The following EIF4G3 variants were observed in gnomAD, a reference collection of about 807,000 sequenced individuals.
EIF4G3 encodes eIF-4-gamma 3.
In EIF4G3, 34 loss-of-function variants were observed where a neutral mutation model predicts 186.4. That is an observed-to-expected ratio of 0.18 (90% CI 0.14 to 0.24). The LOEUF (loss-of-function observed/expected upper bound fraction) is 0.24, where lower values mean the gene tolerates loss of function less well. Ranked by LOEUF, EIF4G3 falls within the 10% of genes least tolerant of loss-of-function variation. EIF4G3 has a pLI of 1.00. For synonymous variants in EIF4G3, 673 were observed against 679.5 expected (o/e 0.99, Z 0.15); for missense variants, 1,536 against 1,948.5 (o/e 0.79, Z 3.99).
intron 2 of EIF4G3, among the ~76,000 whole-genome samples, chr1:21,103,304 G>A (rs2096559510): frequency 6.6e-6 from 1 of 151,968 alleles, no homozygotes; most frequent in Non-Finnish European, 1.5e-5. Context: ...TACACCAAAT[G>A]TTCACTATTT....
chr1:21,008,585 G>A (rs11584541), intron 4 of EIF4G3, among the ~76,000 whole-genome samples: 5,457 of 152,004 alleles, frequency 0.036, 337 homozygotes, highest in African/African-American at 0.12. Flanking sequence ...GTGATCCACC[G>A]GGCTCAGCCT....
intron 20 of EIF4G3, among the ~76,000 whole-genome samples, chr1:20,871,467 C>T (rs1411291675): frequency 6.6e-6 from 1 of 152,166 alleles, no homozygotes; most frequent in Non-Finnish European, 1.5e-5. Flanking sequence ...GAGGGAATGT[C>T]CCTGGTTGAG....
intron 20 of EIF4G3, among the ~76,000 whole-genome samples, chr1:20,878,429 T>C (rs2081442521): frequency 6.6e-6 from 1 of 152,212 alleles, no homozygotes; most frequent in South Asian, 2.1e-4. Flanking sequence ...CATCACAAAA[T>C]ACCTTTTAAG....
At chr1:20,982,189 G>C (rs2078438042) in intron 8 of EIF4G3, among the ~76,000 whole-genome samples, 199 bp downstream of exon 8, 1 of 152,186 alleles carries the variant, frequency 6.6e-6, no homozygotes, top group Admixed American at 6.5e-5. Context: ...GAATGGTCTG[G>C]AATCAGCAGA....
chr1:20,897,816 G>C (rs1331078076), intron 16 of EIF4G3, among the ~76,000 whole-genome samples: 1 of 151,912 alleles, frequency 6.6e-6, no homozygotes, highest in East Asian at 1.9e-4. Flanking sequence ...AAGGGCAAAA[G>C]GTAGTTGGTC....
chr1:20,907,541 C>A (rs967370650), intron 14 of EIF4G3, among the ~76,000 whole-genome samples: 6 of 149,870 alleles, frequency 4.0e-5, no homozygotes, highest in African/African-American at 1.5e-4. Context: ...TCCCTCCCCC[C>A]TCCCCCAACC....
chr1:20,962,919 GTTT>G (rs200757094), intron 12 of EIF4G3, among the ~76,000 whole-genome samples: 1 of 123,810 alleles, frequency 8.1e-6, no homozygotes. Context: ...TTTTTTTTTT[GTTT>G]TTTTTTTTTT....
In EIF4G3 at chr1:20,851,448, G is replaced by C; in HGVS notation, c.3582C>G (p.Asp1194Glu). Residue 1194 changes from aspartate to glutamate, a missense_variant, in exon 28 of 37, where the codon GAC becomes GAG. Physicochemically the swap from Asp to Glu is conservative, Grantham distance 45. This residue lies in a region of EIF4G3 where 395 missense variants were observed against 498.9 expected (regional missense o/e 0.79). Coordinates refer to ENST00000602326, the MANE Select transcript of EIF4G3 (RefSeq NM_001391906.1). ...GAGCTGTTGCAGATGGAAGGGGCTT[G>C]TCATTCTTCTCCCTGCCCATACTTC... ...SRGSMGREKN[D>E]KPLPSATARP... 6.2e-7 allele frequency: 1 copy of C among 1,614,094 alleles called. No individual in the cohort carries two copies. Among genetic ancestry groups the C allele is most frequent in the Non-Finnish European group, 8.5e-7 (1 of 1,180,026 alleles).
rs1336180676 is a variant in EIF4G3 at position 21,176,820 on chromosome 1, C to G, written c.-554G>C. On this transcript the variant is annotated 5_prime_UTR_variant, in exon 1 of 37. Transcript: ENST00000602326. ...CTCGGTAGCGGGGCTCAGGCGATGC[C>G]GGTGGATTTTCTTCACTCAACGAGC... 1.1e-5 allele frequency: 8 copies of G among 701,698 alleles called. No homozygotes were observed. In the Admixed American group the frequency reaches 1.4e-4, roughly 12 times the overall value. 43.5% of individuals were successfully genotyped at this position (701,698 alleles called of 1,614,324 possible). A position where few individuals can be genotyped will look rare whatever the true frequency, so the allele number is the denominator to read the frequency against.
intron 3 of EIF4G3, among the ~76,000 whole-genome samples, chr1:21,053,437 C>CG (rs2094382443): frequency 6.6e-6 from 1 of 150,596 alleles, no homozygotes; most frequent in Non-Finnish European, 1.5e-5. Context: ...GCCCACCCCC[C>CG]GGCCAGCCGC....
intron 7 of EIF4G3, among the ~76,000 whole-genome samples, chr1:20,986,366 C>T (rs2079459407): frequency 6.6e-6 from 1 of 152,144 alleles, no homozygotes; most frequent in South Asian, 2.1e-4. Context: ...TTATACATAA[C>T]CTGGCTAAAT....
In EIF4G3 at chr1:20,810,919, AG is replaced by A. The variant is rs1269494395; in HGVS notation, c.4598-36del. On this transcript the variant is annotated intron_variant, in intron 35 of 36. Transcript: ENST00000602326. This position sits in a 1 kb window ranked among gnomAD's most constrained non-coding sequence, Gnocchi z 4.1. ...ATAGAAGAACTAGGAATTACATTTA[AG>A]GAGTTAACATAGAATTATCTTTAAT... 1.3e-6 allele frequency: 2 copies of A among 1,584,390 alleles called. No homozygotes were observed. Among genetic ancestry groups the A allele is most frequent in the Admixed American group, 3.5e-5 (2 of 57,408 alleles).
intron 2 of EIF4G3, among the ~76,000 whole-genome samples, chr1:21,127,001 T>C (rs2097059152): frequency 6.6e-6 from 1 of 152,152 alleles, no homozygotes; most frequent in Admixed American, 6.6e-5. Context: ...TTGTTGTTGT[T>C]GAGAAAAGGT....
intron 20 of EIF4G3, among the ~76,000 whole-genome samples, chr1:20,870,712 G>A (rs986285265): frequency 2.6e-5 from 4 of 152,154 alleles, no homozygotes; most frequent in Non-Finnish European, 5.9e-5. Flanking sequence ...CATTTCTCTT[G>A]TCCACTCTTC....
At chr1:20,934,371 G>GAGAGC (rs1230927327) in intron 14 of EIF4G3, among the ~76,000 whole-genome samples, 1 of 152,154 alleles carries the variant, frequency 6.6e-6, no homozygotes, top group African/African-American at 2.4e-5. Context: ...ATGGGACTCA[G>GAGAGC]AGAGCGTCTC....
intron 2 of EIF4G3, among the ~76,000 whole-genome samples, chr1:21,127,706 C>T (rs918262348): frequency 3.3e-5 from 5 of 152,122 alleles, no homozygotes; most frequent in Non-Finnish European, 1.5e-5. Context: ...TACTACAAGG[C>T]ACTAATATTC....
intron 14 of EIF4G3, among the ~76,000 whole-genome samples, chr1:20,923,491 C>T (rs1419103462): frequency 6.6e-6 from 1 of 152,116 alleles, no homozygotes; most frequent in African/African-American, 2.4e-5. Flanking sequence ...AAATCTAGTA[C>T]AGATGCAAAA....
intron 10 of EIF4G3, among the ~76,000 whole-genome samples, chr1:20,978,410 C>T (rs1000214127): frequency 3.3e-5 from 5 of 152,038 alleles, no homozygotes; most frequent in Non-Finnish European, 7.4e-5. Flanking sequence ...ATATTTGAGA[C>T]ATTTAGTGAG....
At chr1:20,818,125 C>A (rs2061508411) in intron 33 of EIF4G3, among the ~76,000 whole-genome samples, 1 of 152,096 alleles carries the variant, frequency 6.6e-6, no homozygotes, top group Non-Finnish European at 1.5e-5. Context: ...GAGCTTCAAT[C>A]TTCCCCTTAG....
Sources: allele counts gnomAD v4.1 joint callset (sites outside exome capture counted in the v4.1 genomes callset), GRCh38; gene constraint gnomAD v4.1.1; regional missense constraint gnomAD v4.1.1; non-coding constraint Gnocchi (gnomAD v3.1); transcripts MANE v1.5; gene names NCBI Gene and HGNC (gene_info 2026-07-23, HGNC 2026-07-21).